The following MBTPS1 variants were observed in gnomAD, a reference collection of about 807,000 sequenced individuals.
MBTPS1 encodes membrane-bound transcription factor site-1 protease.
In MBTPS1, 94 loss-of-function variants were observed where a neutral mutation model predicts 127.8. The ratio of observed to expected loss-of-function variants is 0.74; its 90% confidence interval spans 0.62 to 0.87. The LOEUF is 0.87. Among genes scored for constraint, MBTPS1 ranks in the 40% least tolerant of loss-of-function variants. The pLI is 0.00. For synonymous variants in MBTPS1, 632 were observed against 509.4 expected, an observed-to-expected ratio of 1.24 and a Z score of -3.24; for missense variants, 1,636 against 1,353.2, an observed-to-expected ratio of 1.21 and a Z score of -3.28.
At chr16:84,059,536 C>T in intron 20 of MBTPS1, 108 bp from the exon 21 acceptor site, 1 of 1,037,112 alleles carries the variant, frequency 9.6e-7, no homozygotes, top group Non-Finnish European at 1.4e-6. Context: ...CACAACACAG[C>T]ACAGAGCCCC....
intron 1 of MBTPS1, among the ~76,000 whole-genome samples, chr16:84,115,796 T>A (rs1188707888): frequency 6.6e-6 from 1 of 152,140 alleles, no homozygotes; most frequent in Non-Finnish European, 1.5e-5. Context: ...AAAAGTGGAT[T>A]TGGTAGTGGC....
At chr16:84,067,949 C>T (rs947736721) in intron 15 of MBTPS1, 126 bp from the exon 16 acceptor site, 9 of 820,464 alleles carry the variant, frequency 1.1e-5, no homozygotes, top group African/African-American at 3.4e-5. Context: ...TTTGTGCCAC[C>T]CTGTACCACT....
intron 12 of MBTPS1, among the ~76,000 whole-genome samples, chr16:84,073,415 A>G (rs1019078144): frequency 6.6e-6 from 1 of 152,168 alleles, no homozygotes; most frequent in Non-Finnish European, 1.5e-5. Context: ...TACAGGCTTG[A>G]GCCAACACGC....
rs151225139 is a variant in MBTPS1 at position 84,095,325 on chromosome 16, A to G, written c.625+277T>C. 7.3e-3 allele frequency among the ~76,000 whole-genome samples: 1,119 copies of G among 152,354 alleles called. 10 individuals carry two copies. Among genetic ancestry groups the G allele is most frequent in the African/African-American group, 0.025 (1,051 of 41,584 alleles). On this transcript the variant is annotated intron_variant, in intron 4 of 22. Transcript: ENST00000343411. ...GAAGTGCTCCACAGCCTTCCCTTCT[A>G]ACCTCAGAAATGGTAACAAAAATAA...
chr16:84,066,391 A>C, intron 17 of MBTPS1, 98 bp downstream of exon 17: 1 of 1,286,114 alleles, frequency 7.8e-7, no homozygotes. Context: ...CAGCTAACTG[A>C]GGGATCACCA....
At chr16:84,060,891 T>C (rs2085601080) in intron 19 of MBTPS1, 78 bp from the exon 20 acceptor site, 5 of 1,406,444 alleles carry the variant, frequency 3.6e-6, no homozygotes, top group South Asian at 1.4e-5. Flanking sequence ...CCCAGTGCAG[T>C]GGCGCAATCA....
chr16:84,095,922 A>G, intron 3 of MBTPS1, 117 bp from the exon 4 acceptor site: 1 of 743,614 alleles, frequency 1.3e-6, no homozygotes, highest in Non-Finnish European at 2.2e-6. Flanking sequence ...TGTTTGAAGG[A>G]AAGTGGGATT....
chr16:84,109,093 T>G (rs116118495), intron 1 of MBTPS1, among the ~76,000 whole-genome samples: 1 of 152,230 alleles, frequency 6.6e-6, no homozygotes, highest in African/African-American at 2.4e-5. Flanking sequence ...CTGCCCACAA[T>G]TGGTTCTAAA....
At chr16:84,109,246 T>A (rs1285881139) in intron 1 of MBTPS1, among the ~76,000 whole-genome samples, 1 of 152,204 alleles carries the variant, frequency 6.6e-6, no homozygotes, top group African/African-American at 2.4e-5. Context: ...CCAAGGAACA[T>A]GGAAGCCAGT....
chr16:84,093,488 C>G (rs1416823119), intron 5 of MBTPS1, among the ~76,000 whole-genome samples, 191 bp from the exon 6 acceptor site: 3 of 152,192 alleles, frequency 2.0e-5, no homozygotes, highest in Non-Finnish European at 4.4e-5. Context: ...CCACTCCACG[C>G]TCTCCGGGAC....
In MBTPS1 at chr16:84,070,028, C is replaced by T. The variant is rs1364904022; in HGVS notation, c.1793G>A (p.Gly598Asp). 17 of 1,567,032 alleles carry T rather than the reference C, an allele frequency of 1.1e-5. No individual in the cohort carries two copies. Among genetic ancestry groups the T allele is most frequent in the African/African-American group, 1.4e-5 (1 of 72,264 alleles). The change falls in exon 14 of 23, where the codon GGT (glycine) becomes GAT (aspartate). Residue 598 changes from glycine (G) to aspartate (D), a missense_variant. By Grantham distance (94) the Gly-to-Asp change is moderately conservative. Transcript: ENST00000343411. ...CTTTACTGTTGAAGTCTGTTCTGCA[C>T]CATTTTTTGACTAAAAAAAAAGAAA... The part of the protein sequence containing the change: ...ASPAETESKN[G>D]AEQTSTVKLP...
chr16:84,066,431 A>C (rs1325562760), intron 17 of MBTPS1, 58 bp downstream of exon 17: 1 of 1,571,680 alleles, frequency 6.4e-7, no homozygotes, highest in African/African-American at 1.4e-5. Context: ...TAGACTTCAG[A>C]GGTGTAGAGC....
At chr16:84,091,217 G>T (rs1297293733) in intron 7 of MBTPS1, among the ~76,000 whole-genome samples, 1 of 152,270 alleles carries the variant, frequency 6.6e-6, no homozygotes, top group East Asian at 1.9e-4. Flanking sequence ...AGGGCATGGT[G>T]GCTCACGCCT....
At chr16:84,080,853 T>C (rs2085930207) in intron 11 of MBTPS1, among the ~76,000 whole-genome samples, 1 of 152,232 alleles carries the variant, frequency 6.6e-6, no homozygotes, top group African/African-American at 2.4e-5. Context: ...CCACATATCT[T>C]TTGAACATGT....
At chr16:84,087,524 A>C in intron 8 of MBTPS1, 64 bp from the exon 9 acceptor site, 8 of 1,090,528 alleles carry the variant, frequency 7.3e-6, no homozygotes, top group Non-Finnish European at 1.1e-5. Context: ...AAATAATTTA[A>C]AATGGATGAT....
intron 20 of MBTPS1, 87 bp from the exon 21 acceptor site, chr16:84,059,515 G>C (rs2085575110): frequency 1.0e-5 from 13 of 1,292,398 alleles, no homozygotes; most frequent in Admixed American, 2.1e-5. Context: ...TTATGAGTCT[G>C]TCTGCTTTCC....
At chr16:84,057,826 C>G (rs1296367848) in intron 21 of MBTPS1, 2 of 152,186 alleles carry the variant, frequency 1.3e-5, no homozygotes, top group African/African-American at 4.8e-5. Context: ...TATCAACATG[C>G]TGGATGGGCC....
intron 12 of MBTPS1, 111 bp downstream of exon 12, chr16:84,074,486 G>T (rs557148045): frequency 9.2e-7 from 1 of 1,084,320 alleles, no homozygotes; most frequent in Non-Finnish European, 1.3e-6. Flanking sequence ...CTCTCTCCTC[G>T]GCCTAGAACT....
At chr16:84,100,114 A>G (rs1442923237) in intron 2 of MBTPS1, among the ~76,000 whole-genome samples, 3 of 152,234 alleles carry the variant, frequency 2.0e-5, no homozygotes, top group African/African-American at 7.2e-5. Flanking sequence ...CACCTGTTCC[A>G]AAGAATCAAG....
Sources: gnomAD v4.1 joint callset for allele counts (sites outside exome capture counted in the v4.1 genomes callset) on GRCh38, gnomAD v4.1.1 for gene constraint, MANE v1.5 for transcripts, NCBI Gene and HGNC (gene_info 2026-07-23, HGNC 2026-07-21) for gene names.